SPATA13: variants seen among roughly 807,000 people sequenced by gnomAD.
SPATA13 encodes the protein spermatogenesis associated 13, also known as spermatogenesis-associated protein 13.
Under a neutral mutation model 104.0 loss-of-function variants are expected in SPATA13, and 50 were observed. The ratio of observed to expected loss-of-function variants is 0.48; its 90% CI spans 0.38 to 0.61. The LOEUF is 0.61. Among genes scored for constraint, SPATA13 ranks in the 20% least tolerant of loss-of-function variants. The probability of loss-of-function intolerance (pLI) is 0.00; values close to 1 mark genes in which losing one functional copy is unlikely to be tolerated. For missense variants in SPATA13, 1,524 were observed against 1,690.6 expected (o/e 0.90, Z 1.73); for synonymous variants, 606 against 667.5 (o/e 0.91, Z 1.42).
At chr13:24,172,637 G>A (rs756718115) in intron 1 of SPATA13, among the ~76,000 whole-genome samples, 17 of 152,084 alleles carry the variant, frequency 1.1e-4, no homozygotes, top group African/African-American at 2.4e-4. Context: ...AGTTGGTTTT[G>A]CTTCTTTATC....
chr13:24,245,516 G>C (rs919419782), intron 2 of SPATA13, among the ~76,000 whole-genome samples: 4 of 151,154 alleles, frequency 2.6e-5, no homozygotes, highest in Admixed American at 2.6e-4. Context: ...CCTTTTAGAG[G>C]GAATGTTTTC....
In SPATA13 at chr13:23,980,898, G is replaced by GT. The variant is rs146684376; in HGVS notation, c.-354+980dup. Among the ~76,000 whole-genome samples the GT allele has an allele frequency of 6.7e-3, 1,025 of 152,194 alleles. 9 individuals carry two copies. Among genetic ancestry groups the GT allele is most frequent in the Admixed American group, 0.01 (160 of 15,294 alleles). On this transcript the variant is annotated intron_variant, in intron 1 of 14. Transcript: ENST00000424834. Reference sequence around the variant, plus strand: ...TGAGCCACTGCGCCTGGCCAACAAAGTTTTTTAAAAAATACGTTGTATTTC... The same window carrying GT: ...TGAGCCACTGCGCCTGGCCAACAAAGTTTTTTTAAAAAATACGTTGTATTTC...
intron 3 of SPATA13, among the ~76,000 whole-genome samples, chr13:24,129,192 C>T (rs1251179586): frequency 6.6e-6 from 1 of 152,228 alleles, no homozygotes; most frequent in Non-Finnish European, 1.5e-5. Flanking sequence ...GACTCTGGTG[C>T]TAGTGTCGGG....
intron 1 of SPATA13, among the ~76,000 whole-genome samples, chr13:24,220,265 C>T (rs575496602): frequency 1.3e-5 from 2 of 152,256 alleles, no homozygotes; most frequent in South Asian, 4.1e-4. Context: ...ATGTCTTGGG[C>T]CCTTGTTTCC....
intron 1 of SPATA13, among the ~76,000 whole-genome samples, chr13:24,211,965 C>T (rs545943103): frequency 6.6e-6 from 1 of 152,316 alleles, no homozygotes; most frequent in African/African-American, 2.4e-5. Flanking sequence ...GTGCTCCCCA[C>T]GTGGCTGGAG....
intron 3 of SPATA13, among the ~76,000 whole-genome samples, chr13:24,093,051 C>T (rs1351781492): frequency 1.3e-5 from 2 of 152,212 alleles, no homozygotes; most frequent in African/African-American, 4.8e-5. Flanking sequence ...GGCACGATCA[C>T]ATTTTGTTAG....
At chr13:24,050,402 T>A (rs964267040) in intron 3 of SPATA13, among the ~76,000 whole-genome samples, 2 of 152,138 alleles carry the variant, frequency 1.3e-5, no homozygotes, top group African/African-American at 2.4e-5. Flanking sequence ...AAATCAGATA[T>A]CCTTGTTATA....
chr13:24,250,354 A>T (rs1873412222), intron 3 of SPATA13, among the ~76,000 whole-genome samples: 1 of 152,184 alleles, frequency 6.6e-6, no homozygotes, highest in South Asian at 2.1e-4. Context: ...TGGATTAAAC[A>T]CTTAGTACTG....
At chr13:24,002,267 G>A (rs1476019057) in intron 2 of SPATA13, among the ~76,000 whole-genome samples, 4 of 152,198 alleles carry the variant, frequency 2.6e-5, no homozygotes, top group East Asian at 1.9e-4. Flanking sequence ...TTGAAAAACC[G>A]TGTTGGTGAA....
intron 4 of SPATA13, among the ~76,000 whole-genome samples, chr13:24,281,481 C>T (rs551892995): frequency 2.0e-4 from 30 of 152,316 alleles, no homozygotes; most frequent in African/African-American, 6.5e-4. Flanking sequence ...TCGCGGTGTC[C>T]GGCGCACCTG....
At position 24,286,282 on chromosome 13, in the gene SPATA13, A is replaced by C. The variant is rs1474132339; in HGVS notation, c.2370A>C (p.Glu790Asp). ...LWDHVTMDDQ[E>D]LGFKAGDVIQ... ...ACCATGTGACCATGGATGACCAGGA[A>C]CTGGGCTTCAAAGCCGGGGATGTCA... The change falls in exon 6 of 13, where the codon GAA becomes GAC. Residue 790 changes from glutamate (E) to aspartate (D), a missense_variant. Transcript: ENST00000382108. This position sits in a 1 kb window ranked among gnomAD's most constrained non-coding sequence, Gnocchi z 4.9. 6.2e-7 allele frequency: 1 copy of C among 1,614,042 alleles called. No individual in the cohort carries two copies.
chr13:23,992,023 C>A (rs1875438352), intron 2 of SPATA13, among the ~76,000 whole-genome samples: 1 of 152,206 alleles, frequency 6.6e-6, no homozygotes, highest in Non-Finnish European at 1.5e-5. Flanking sequence ...AAGCCCTCTG[C>A]TAAATATTTC....
rs1294056963 is a variant in SPATA13, at chr13:24,205,024, C to T, written c.-111-17795C>T. ...AGCCGGAAGGATTCCCCTTGAAAAC[C>T]GACACAAGACAAGAATGGCCTCTCT... On this transcript the variant is annotated intron_variant, in intron 1 of 12. Coordinates refer to ENST00000382108, the MANE Select transcript of SPATA13 (RefSeq NM_001166271.3). This position sits in a 1 kb window ranked among gnomAD's most constrained non-coding sequence, Gnocchi z 4.1. Among the ~76,000 whole-genome samples, 1 of 152,126 alleles carries T rather than the reference C, an allele frequency of 6.6e-6. No individual in the cohort carries two copies. The highest frequency in any genetic ancestry group is 1.5e-5 in the Non-Finnish European group (1 of 68,022).
At chr13:24,244,265 C>CT (rs145416438) in intron 2 of SPATA13, among the ~76,000 whole-genome samples, 1 of 152,326 alleles carries the variant, frequency 6.6e-6, no homozygotes, top group East Asian at 1.9e-4. Context: ...CTCATTTTAA[C>CT]TTTATTATAT....
intron 3 of SPATA13, among the ~76,000 whole-genome samples, chr13:24,080,654 G>C (rs181591884): frequency 2.1e-3 from 320 of 152,290 alleles, no homozygotes; most frequent in African/African-American, 7.3e-3. Context: ...GATTTCATCG[G>C]TGGCCTTGAT....
chr13:24,239,094 A>G (rs34795511), intron 2 of SPATA13, among the ~76,000 whole-genome samples: 2,338 of 152,294 alleles, frequency 0.015, 18 homozygotes, highest in Middle Eastern at 0.048. Flanking sequence ...AAAGTATAGA[A>G]GCTTATTGTT....
chr13:24,103,883 A>AG (rs924941443), intron 3 of SPATA13, among the ~76,000 whole-genome samples: 1 of 151,998 alleles, frequency 6.6e-6, no homozygotes, highest in Non-Finnish European at 1.5e-5. Context: ...ACTATTCCTG[A>AG]GGGGGAAAAT....
At chr13:24,040,047 G>A (rs1386942543) in intron 3 of SPATA13, among the ~76,000 whole-genome samples, 1 of 152,182 alleles carries the variant, frequency 6.6e-6, no homozygotes, top group Non-Finnish European at 1.5e-5. Flanking sequence ...CGTTTGGTGA[G>A]GTGAGCATAT....
chr13:23,982,393 A>C (rs1462132473), intron 1 of SPATA13, among the ~76,000 whole-genome samples: 1 of 152,210 alleles, frequency 6.6e-6, no homozygotes, highest in African/African-American at 2.4e-5. Flanking sequence ...GAAGGCAAGG[A>C]CCAGGTCTTC....
Sources: gnomAD v4.1 joint callset for allele counts (sites outside exome capture counted in the v4.1 genomes callset) on GRCh38, gnomAD v4.1.1 for gene constraint, Gnocchi (gnomAD v3.1) non-coding constraint, MANE v1.5 for transcripts, NCBI Gene and HGNC (gene_info 2026-07-23, HGNC 2026-07-21) for gene names.